The following RAB1A variants were observed in gnomAD, a reference collection of about 807,000 sequenced individuals.
RAB1A encodes the protein ras-related protein Rab-1A.
Under a neutral mutation model 26.0 loss-of-function variants are expected in RAB1A, and 2 were observed. The observed-to-expected ratio is 0.08, with a 90% CI of 0.03 to 0.24. The LOEUF (loss-of-function observed/expected upper bound fraction) is 0.24. RAB1A is among the 10% of genes least tolerant of loss of function. The pLI is 1.00. For synonymous variants in RAB1A, 84 were observed against 84.9 expected (o/e 0.99, Z 0.06); for missense variants, 100 against 247.0 (o/e 0.40, Z 3.99).
chr2:65,126,490 T>C (rs1028672521), intron 1 of RAB1A, among the ~76,000 whole-genome samples: 3 of 151,994 alleles, frequency 2.0e-5, no homozygotes, highest in South Asian at 2.1e-4. Context: ...CCAACTCTTA[T>C]GTAAACCAAT....
At chr2:65,089,107 A>G (rs1309539822) in intron 4 of RAB1A, 37 bp from the exon 5 acceptor site, 2 of 1,554,136 alleles carry the variant, frequency 1.3e-6, no homozygotes, top group Admixed American at 1.8e-5. Flanking sequence ...ATATAGTTCG[A>G]TAATATAGTT....
chr2:65,104,074 G>A (rs534955889), intron 2 of RAB1A, among the ~76,000 whole-genome samples: 4 of 152,248 alleles, frequency 2.6e-5, no homozygotes, highest in Non-Finnish European at 5.9e-5. Flanking sequence ...CACCGCACCT[G>A]GCCAGGAAAC....
intron 2 of RAB1A, among the ~76,000 whole-genome samples, chr2:65,100,151 C>T (rs1241062837): frequency 6.6e-6 from 1 of 152,006 alleles, no homozygotes; most frequent in African/African-American, 2.4e-5. Flanking sequence ...CCTGTAATAC[C>T]AGCACTTTGG....
rs1669084452 is a variant in RAB1A at position 65,088,313 on chromosome 2, G to A, written c.*180C>T. ...AACAGTTCTGAAAATGAAGTTAGCTGTCTTGAGTCAAGGGAATAAAAAAAA... is the reference window on the plus strand; with the variant it reads ...AACAGTTCTGAAAATGAAGTTAGCTATCTTGAGTCAAGGGAATAAAAAAAA... On this transcript the variant is annotated 3_prime_UTR_variant, in exon 6 of 6. Transcript: ENST00000409784. The A allele has an allele frequency of 5.5e-6, 3 of 541,546 alleles. No homozygotes were observed. Among genetic ancestry groups the A allele is most frequent in the Admixed American group, 7.2e-5 (2 of 27,742 alleles). The allele number at this position is 541,546 out of a possible 1,614,324, so 33.5% of individuals were successfully genotyped here.
In RAB1A at chr2:65,129,933, C is replaced by CGCCGCCACCGCCGCCCTT. The variant is rs1670200144; in HGVS notation, c.-36_-19dup. ...CTGGACATGTCACTGCAGCTGCCGC[C>CGCCGCCACCGCCGCCCTT]GCCGCCACCGCCGCCCTTGCTGCCG... On this transcript the variant is annotated 5_prime_UTR_variant, in exon 1 of 6. Coordinates refer to ENST00000409784, the MANE Select transcript of RAB1A (RefSeq NM_004161.5). 6.3e-7 allele frequency: 1 copy of CGCCGCCACCGCCGCCCTT among 1,580,460 alleles called. No homozygotes were observed. Among genetic ancestry groups the CGCCGCCACCGCCGCCCTT allele is most frequent in the African/African-American group, 1.4e-5 (1 of 74,048 alleles).
chr2:65,101,070 C>T (rs919609015), intron 2 of RAB1A, among the ~76,000 whole-genome samples: 4 of 151,068 alleles, frequency 2.6e-5, no homozygotes, highest in Admixed American at 2.6e-4. Context: ...CACTTGAACC[C>T]GGGAGGTGGG....
At chr2:65,121,841 A>G (rs1021575098) in intron 1 of RAB1A, among the ~76,000 whole-genome samples, 6 of 152,118 alleles carry the variant, frequency 3.9e-5, no homozygotes, top group Admixed American at 2.0e-4. Flanking sequence ...AAATTCCAAA[A>G]TGTAGTGGCG....
chr2:65,128,812 A>C (rs988625708), intron 1 of RAB1A, among the ~76,000 whole-genome samples: 1 of 152,202 alleles, frequency 6.6e-6, no homozygotes, highest in Non-Finnish European at 1.5e-5. Context: ...CCAATTATTC[A>C]TTACTTTACA....
intron 4 of RAB1A, among the ~76,000 whole-genome samples, chr2:65,089,436 G>A (rs1014293382): frequency 1.3e-5 from 2 of 151,672 alleles, no homozygotes; most frequent in African/African-American, 4.8e-5. Context: ...GGCTGGTCTC[G>A]AACTCCTGAG....
intron 2 of RAB1A, among the ~76,000 whole-genome samples, chr2:65,101,793 A>G (rs569199442): frequency 8.6e-6 from 1 of 115,908 alleles, no homozygotes; most frequent in East Asian, 2.6e-4. Context: ...CTTGTTGCCC[A>G]GGCTGGAGTG....
At chr2:65,094,311 G>C (rs969320047) in intron 3 of RAB1A, among the ~76,000 whole-genome samples, 1 of 152,122 alleles carries the variant, frequency 6.6e-6, no homozygotes, top group Non-Finnish European at 1.5e-5. Context: ...TCGGCCAGGC[G>C]CCGTGGCTCA....
chr2:65,098,840 T>TTTTTTTC, intron 2 of RAB1A, among the ~76,000 whole-genome samples: 1 of 143,850 alleles, frequency 7.0e-6, no homozygotes, highest in Non-Finnish European at 1.5e-5. Context: ...GTACTTCTTT[T>TTTTTTTC]TTTTTTTTTT....
chr2:65,115,569 C>T (rs1558660), intron 1 of RAB1A, among the ~76,000 whole-genome samples: 124,254 of 151,660 alleles, frequency 0.82, 50,985 homozygotes, highest in African/African-American at 0.83. Context: ...CATATTATTC[C>T]TATAATTTAA....
At chr2:65,119,864 A>AAAAATT (rs1669917689) in intron 1 of RAB1A, among the ~76,000 whole-genome samples, 1 of 149,064 alleles carries the variant, frequency 6.7e-6, no homozygotes, top group African/African-American at 2.5e-5. Flanking sequence ...AAAAAAAAAA[A>AAAAATT]AATTAATTAA....
At chr2:65,126,717 C>G (rs762591570) in intron 1 of RAB1A, among the ~76,000 whole-genome samples, 2 of 152,150 alleles carry the variant, frequency 1.3e-5, no homozygotes, top group Non-Finnish European at 2.9e-5. Flanking sequence ...ATACTGGAAG[C>G]AGGAAAAGCA....
intron 1 of RAB1A, among the ~76,000 whole-genome samples, chr2:65,122,747 C>G (rs1421041468): frequency 6.6e-6 from 1 of 151,972 alleles, no homozygotes; most frequent in African/African-American, 2.4e-5. Flanking sequence ...GAGGCAGAGG[C>G]AGGTGGATCA....
chr2:65,126,233 G>C (rs1354057948), intron 1 of RAB1A, among the ~76,000 whole-genome samples: 1 of 151,676 alleles, frequency 6.6e-6, no homozygotes, highest in Non-Finnish European at 1.5e-5. Context: ...AAAATCGCTT[G>C]AACCCAGGAG....
chr2:65,129,485 T>C (rs927347343), intron 1 of RAB1A, among the ~76,000 whole-genome samples: 3 of 151,950 alleles, frequency 2.0e-5, no homozygotes, highest in Non-Finnish European at 2.9e-5. Flanking sequence ...CTCCGCAGAG[T>C]GCGGGCGCAG....
rs569468611 is a variant in RAB1A at position 65,126,153 on chromosome 2, T to C, written c.23+3740A>G. Among the ~76,000 whole-genome samples, 28 of 151,824 alleles carry C rather than the reference T, an allele frequency of 1.8e-4. No individual in the cohort carries two copies. The South Asian group carries it at 5.8e-3, about 32-fold the overall frequency. ...ATCAACATTAGAGATGGCTGGGTACTCTATACAAAAATTAGCTGGTTATGG... is the reference window on the plus strand; with the variant it reads ...ATCAACATTAGAGATGGCTGGGTACCCTATACAAAAATTAGCTGGTTATGG... On this transcript the variant is annotated intron_variant, in intron 1 of 5. Coordinates refer to ENST00000409784, the MANE Select transcript of RAB1A (RefSeq NM_004161.5).
Sources: gnomAD v4.1 joint callset for allele counts (sites outside exome capture counted in the v4.1 genomes callset) on GRCh38, gnomAD v4.1.1 for gene constraint, MANE v1.5 for transcripts, NCBI Gene and HGNC (gene_info 2026-07-23, HGNC 2026-07-21) for gene names.